GPR132: variants seen among roughly 807,000 people sequenced by gnomAD.
The protein encoded by GPR132 is probable G protein-coupled receptor 132.
Under a neutral mutation model 1.9 loss-of-function variants are expected in GPR132, and 4 were observed. The ratio of observed to expected loss-of-function variants is 2.13; its 90% CI spans 1.05 to 4.87. The LOEUF is 4.87. Ranked by LOEUF, GPR132 falls within the 30% of genes most tolerant of loss-of-function variation. The pLI, the probability that GPR132 is intolerant of heterozygous loss-of-function variation, is 0.01. For missense variants in GPR132, 404 were observed against 512.5 expected, an observed-to-expected ratio of 0.79 and a Z score of 2.04; for synonymous variants, 233 against 234.2, an observed-to-expected ratio of 0.99 and a Z score of 0.05.
At position 105,057,256 on chromosome 14, in the gene GPR132, G is replaced by A. The variant is rs1485145465; in HGVS notation, c.-836C>T. 6.2e-6 allele frequency: 6 copies of A among 963,672 alleles called. No individual in the cohort carries two copies. Among genetic ancestry groups the A allele is most frequent in the African/African-American group, 4.8e-5 (3 of 62,090 alleles). The allele number at this position is 963,672 out of a possible 1,614,324, so 59.7% of individuals were successfully genotyped here. ...TGCGTCTTGTCGGTCCTATCAAGAC[G>A]TTCACTCTGAGAGTTTAAAATGACC... On this transcript the variant is annotated 5_prime_UTR_variant, in exon 2 of 4. It adds an upstream start codon to the 5' untranslated region. Coordinates refer to ENST00000329797, the MANE Select transcript of GPR132 (RefSeq NM_013345.4).
Position 105,051,647 on chromosome 14 carries a change from C to A in GPR132, c.490G>T (p.Ala164Ser), listed in dbSNP as rs768588303. 20 of 1,613,824 alleles carry A rather than the reference C, an allele frequency of 1.2e-5. No homozygotes were observed. Among genetic ancestry groups the A allele is most frequent in the Non-Finnish European group, 1.7e-5 (20 of 1,180,050 alleles). The change falls in exon 4 of 4, where the codon GCC becomes TCC. Residue 164 changes from alanine to serine, a missense_variant. Physicochemically the swap from Ala to Ser is moderately conservative, Grantham distance 99. Transcript: ENST00000329797. The surrounding 1 kb of genome is among the most constrained non-coding windows in gnomAD (Gnocchi z 8.0). ...ATCCCGACGAGGATGAAGATGCAGG[C>A]GGAGATGAGGATGGCGGTCCTCCGG... ...RRRRTAILISACIFILVGIVH... is the reference protein window; with the variant it reads ...RRRRTAILISSCIFILVGIVH...
At chr14:105,057,110 G>GA in intron 2 of GPR132, 57 bp downstream of exon 2, 3 of 1,370,270 alleles carry the variant, frequency 2.2e-6, no homozygotes, top group Non-Finnish European at 3.0e-6. Flanking sequence ...CATGCTTCAT[G>GA]GAAAAATTCT....
chr14:105,064,647 T>C (rs1241239235), intron 1 of GPR132, among the ~76,000 whole-genome samples: 1 of 152,040 alleles, frequency 6.6e-6, no homozygotes, highest in African/African-American at 2.4e-5. Flanking sequence ...ATCCTCATCT[T>C]CTTCCAGGAG....
At position 105,051,681 on chromosome 14, in the gene GPR132, G is replaced by A; in HGVS notation, c.456C>T (p.Gly152=). Residue 152 remains glycine, a synonymous_variant, in exon 4 of 4, where the codon GGC becomes GGT. Transcript: ENST00000329797. This position sits in a 1 kb window ranked among gnomAD's most constrained non-coding sequence, Gnocchi z 8.0. ...GGATGGCGGTCCTCCGGCGGCGGCG[G>A]CCCCGACTCTCCAGCGCGTACACCA... ...VAVVYALESR[G]RRRRRTAILI... The A allele has an allele frequency of 6.2e-7, 1 of 1,613,694 alleles. No homozygotes were observed. The highest frequency in any genetic ancestry group is 8.5e-7 in the Non-Finnish European group (1 of 1,180,006).
chr14:105,050,980 GC>G lies in GPR132; in HGVS notation c.*13del. Reference sequence around the variant, plus strand: ...AGGACCCCCAACCTGCCATCCCCCTGCCACACAGTGGGCTCAGCAGGACTCC... The same window carrying G: ...AGGACCCCCAACCTGCCATCCCCCTGCACACAGTGGGCTCAGCAGGACTCC... On this transcript the variant is annotated 3_prime_UTR_variant, in exon 4 of 4. Coordinates refer to ENST00000329797, the MANE Select transcript of GPR132 (RefSeq NM_013345.4). This position sits in a 1 kb window ranked among gnomAD's most constrained non-coding sequence, Gnocchi z 4.0. The G allele has an allele frequency of 6.2e-7, 1 of 1,602,744 alleles. No individual in the cohort carries two copies. Among genetic ancestry groups the G allele is most frequent in the Non-Finnish European group, 8.5e-7 (1 of 1,170,884 alleles).
chr14:105,052,750 C>A (rs930654242), intron 3 of GPR132, among the ~76,000 whole-genome samples: 2 of 150,394 alleles, frequency 1.3e-5, no homozygotes, highest in Non-Finnish European at 3.0e-5. Context: ...TGAGGTCAGG[C>A]GTTTGAGACC....
chr14:105,052,410 C>T (rs538049709), intron 3 of GPR132, among the ~76,000 whole-genome samples: 1 of 152,084 alleles, frequency 6.6e-6, no homozygotes, highest in Non-Finnish European at 1.5e-5. Context: ...TCACTGCAAC[C>T]TCTGCCTCCT....
chr14:105,054,427 CTTT>C (rs59700022), intron 3 of GPR132: 53 of 862,376 alleles, frequency 6.1e-5, no homozygotes, highest in Non-Finnish European at 6.9e-5. Context: ...CTTTTTTTTT[CTTT>C]TTTTTTTTTT....
At chr14:105,063,484 C>G (rs1887003598) in intron 1 of GPR132, among the ~76,000 whole-genome samples, 1 of 151,582 alleles carries the variant, frequency 6.6e-6, no homozygotes, top group South Asian at 2.1e-4. Flanking sequence ...AAGTGATTCT[C>G]CTGCCTCAGC....
intron 3 of GPR132, among the ~76,000 whole-genome samples, chr14:105,052,717 G>A (rs1284595053): frequency 1.3e-5 from 2 of 151,598 alleles, no homozygotes; most frequent in Admixed American, 1.3e-4. Context: ...AGCATTTTGG[G>A]AGGCTGAGGC....
chr14:105,054,900 C>T (rs888209961), intron 3 of GPR132, among the ~76,000 whole-genome samples: 12 of 150,984 alleles, frequency 7.9e-5, no homozygotes, highest in East Asian at 2.0e-4. Flanking sequence ...ATTAGACAGG[C>T]GTGGTGGCAG....
intron 1 of GPR132, among the ~76,000 whole-genome samples, chr14:105,064,799 C>T (rs865847394): frequency 6.6e-6 from 1 of 152,134 alleles, no homozygotes; most frequent in Non-Finnish European, 1.5e-5. Context: ...GGTATTGGGC[C>T]CCCCGCCCCG....
chr14:105,065,109 A>G (rs968421142), intron 1 of GPR132, among the ~76,000 whole-genome samples: 18 of 152,182 alleles, frequency 1.2e-4, no homozygotes, highest in African/African-American at 3.9e-4. Flanking sequence ...GAAAGTCTCC[A>G]GGAAGGTGGC....
At chr14:105,053,209 G>A (rs1025001698) in intron 3 of GPR132, among the ~76,000 whole-genome samples, 4 of 137,886 alleles carry the variant, frequency 2.9e-5, no homozygotes, top group African/African-American at 1.1e-4. Flanking sequence ...TGCCCAGGCT[G>A]GAGTGCAGTG....
Position 105,055,404 on chromosome 14 carries a change from A to C in GPR132, c.17T>G (p.Leu6Arg). 1.3e-6 allele frequency: 1 copy of C among 781,074 alleles called. No individual in the cohort carries two copies. Among genetic ancestry groups the C allele is most frequent in the East Asian group, 2.4e-5 (1 of 41,258 alleles). 48.4% of individuals were successfully genotyped at this position (781,074 alleles called of 1,614,324 possible). Residue 6 changes from leucine (L) to arginine (R), a missense_variant, in exon 3 of 4, where the codon CTG (leucine) becomes CGG (arginine). Transcript: ENST00000329797. The surrounding 1 kb of genome is among the most constrained non-coding windows in gnomAD (Gnocchi z 4.7). MCPML[L>R]KNGYNGNATP... The stretch of plus-strand genomic sequence containing the variant: ...GAATTTACCATTGTAACCGTTTTTC[A>C]GTAGCATTGGGCACATTCACATTCT...
In GPR132 at chr14:105,051,257, G is replaced by T. The variant is rs748299017; in HGVS notation, c.880C>A (p.Leu294Met). The T allele has an allele frequency of 1.9e-6, 3 of 1,613,580 alleles. No homozygotes were observed. The South Asian group carries it at 3.3e-5, about 18-fold the overall frequency. ...ACGCCGTTCACCGTGGACAGGCACA[G>T]AAACACCACAGAGGCTGTGTACAGC... ...ERLYTASVVF[L>M]CLSTVNGVAD... Residue 294 changes from leucine (L) to methionine (M), a missense_variant, in exon 4 of 4, where the codon CTG becomes ATG. Leu to Met is a conservative substitution (Grantham distance 15). Coordinates refer to ENST00000329797, the MANE Select transcript of GPR132 (RefSeq NM_013345.4). This position sits in a 1 kb window ranked among gnomAD's most constrained non-coding sequence, Gnocchi z 8.0.
At position 105,059,217 on chromosome 14, in the gene GPR132, T is replaced by G. The variant is rs1425065157; in HGVS notation, c.-860-1937A>C. Among the ~76,000 whole-genome samples the G allele has an allele frequency of 2.0e-5, 3 of 152,210 alleles. No individual in the cohort carries two copies. Among genetic ancestry groups the G allele is most frequent in the Admixed American group, 6.5e-5 (1 of 15,290 alleles). ...GCCCGAGGCCTGTATGTTGAGAGGC[T>G]GGCCAGGGGCACTCCCTGGAGCCAC... On this transcript the variant is annotated intron_variant, in intron 1 of 3. Transcript: ENST00000329797. This position sits in a 1 kb window ranked among gnomAD's most constrained non-coding sequence, Gnocchi z 4.2.
In GPR132 at chr14:105,056,979, C is replaced by T. The variant is rs1467826686; in HGVS notation, c.-747+188G>A. 1.3e-5 allele frequency among the ~76,000 whole-genome samples: 2 copies of T among 152,340 alleles called. No individual in the cohort carries two copies. The highest frequency in any genetic ancestry group is 2.1e-4 in the South Asian group (1 of 4,828). ...CCGTTCCTGGCTTCCCAGAACTTCA[C>T]GAAAGAATTATGAAATCAGTCCTTC... On this transcript the variant is annotated intron_variant, in intron 2 of 3. Coordinates refer to ENST00000329797, the MANE Select transcript of GPR132 (RefSeq NM_013345.4). The surrounding 1 kb of genome is among the most constrained non-coding windows in gnomAD (Gnocchi z 6.0).
In GPR132 at chr14:105,049,984, G is replaced by T. The variant is rs544682655; in HGVS notation, c.*1010C>A. 6.6e-6 allele frequency: 1 copy of T among 152,414 alleles called. No homozygotes were observed. Among genetic ancestry groups the T allele is most frequent in the Non-Finnish European group, 1.5e-5 (1 of 68,114 alleles). The allele number at this position is 152,414 out of a possible 1,614,324, so 9.4% of individuals were successfully genotyped here. A position where few individuals can be genotyped will look rare whatever the true frequency, so the allele number is the denominator to read the frequency against. On this transcript the variant is annotated 3_prime_UTR_variant, in exon 4 of 4. Transcript: ENST00000329797. ...TCTGTGCTCTGAGTGCATGCGATGT[G>T]CCCGAGGTGTCGGGGCAGGGAGGAG...
Sources: gnomAD v4.1 joint callset for allele counts (sites outside exome capture counted in the v4.1 genomes callset) on GRCh38, gnomAD v4.1.1 for gene constraint, Gnocchi (gnomAD v3.1) non-coding constraint, MANE v1.5 for transcripts, NCBI Gene and HGNC (gene_info 2026-07-23, HGNC 2026-07-21) for gene names.